The following IGSF10 variants were observed in gnomAD, a reference collection of about 807,000 sequenced individuals.
The protein encoded by IGSF10 is immunoglobulin superfamily member 10.
IGSF10 carries 126 observed loss-of-function variants against 128.2 expected under a neutral mutation model. The observed-to-expected ratio is 0.98, with a 90% CI of 0.85 to 1.14. The LOEUF is 1.14. IGSF10 is among the 50% of genes most tolerant of loss of function. The probability of loss-of-function intolerance (pLI) is 0.00; values close to 1 mark genes in which losing one functional copy is unlikely to be tolerated. For synonymous variants in IGSF10, 1,185 were observed against 1,146.2 expected, an observed-to-expected ratio of 1.03 and a Z score of -0.68; for missense variants, 3,295 against 3,149.8, an observed-to-expected ratio of 1.05 and a Z score of -1.10.
the IGSF10 span, among the ~76,000 whole-genome samples, chr3:151,599,254 C>G: frequency 6.6e-6 from 1 of 151,234 alleles, no homozygotes; most frequent in East Asian, 2.0e-4. Flanking sequence ...GCCTGTGCGT[C>G]TGGGGTGGGC....
In IGSF10 at chr3:151,436,681, A is replaced by G; in HGVS notation, c.*8T>C. On this transcript the variant is annotated 3_prime_UTR_variant, in exon 8 of 8. Transcript: ENST00000282466. ...CTGCCCAGATGTTGTTGACTTTATTATTTCATGTCAGATTACTTGAATATA... is the reference window on the plus strand; with the variant it reads ...CTGCCCAGATGTTGTTGACTTTATTGTTTCATGTCAGATTACTTGAATATA... The G allele has an allele frequency of 6.4e-7, 1 of 1,559,676 alleles. No homozygotes were observed.
the IGSF10 span, among the ~76,000 whole-genome samples, chr3:151,544,961 G>A: frequency 6.6e-6 from 1 of 151,364 alleles, no homozygotes; most frequent in Non-Finnish European, 1.5e-5. Context: ...TCTGTCTCTT[G>A]GTTTCTGAGA....
At position 151,438,442 on chromosome 3, in the gene IGSF10, AT is replaced by A; in HGVS notation, c.6118del (p.Ile2040LeufsTer19). The A allele has an allele frequency of 6.2e-7, 1 of 1,614,140 alleles. No homozygotes were observed. The highest frequency in any genetic ancestry group is 2.2e-5 in the East Asian group (1 of 44,856). ...CTTTCTAAAATACTGCTTGTGGTCA[AT>A]TTTGGCAGGTTTCAGTCTTAGGCTA... ...HVSLRLKPAK[I>X]DHKQYFRKQV... On this transcript the variant is annotated frameshift_variant, in exon 8 of 8. Transcript: ENST00000282466. LOFTEE classifies it low-confidence loss of function (END_TRUNC).
chr3:151,543,407 C>T, the IGSF10 span, among the ~76,000 whole-genome samples: 2 of 152,238 alleles, frequency 1.3e-5, no homozygotes, highest in African/African-American at 2.4e-5. Flanking sequence ...CTACTACCCC[C>T]ACACCTGCAG....
chr3:151,488,862 A>G, the IGSF10 span, among the ~76,000 whole-genome samples: 2 of 152,220 alleles, frequency 1.3e-5, no homozygotes, highest in East Asian at 3.8e-4. Flanking sequence ...ACCTAAAACC[A>G]TAAAATCCCT....
At chr3:151,492,778 A>AATCT in the IGSF10 span, among the ~76,000 whole-genome samples, 54,269 of 151,704 alleles carry the variant, frequency 0.36, 9,911 homozygotes, top group Middle Eastern at 0.45. Flanking sequence ...ATGACACAGC[A>AATCT]ATCTTTGTAT....
the IGSF10 span, among the ~76,000 whole-genome samples, chr3:151,466,504 G>A: frequency 6.6e-6 from 1 of 152,124 alleles, no homozygotes; most frequent in African/African-American, 2.4e-5. Flanking sequence ...AGGAGTCTGG[G>A]ACTCCACCTT....
the IGSF10 span, among the ~76,000 whole-genome samples, chr3:151,496,261 C>G: frequency 6.6e-6 from 1 of 151,154 alleles, no homozygotes; most frequent in South Asian, 2.1e-4. Flanking sequence ...GGTTTGTTAC[C>G]TATGTATACA....
chr3:151,462,588 T>C (rs184039933), upstream of IGSF10, among the ~76,000 whole-genome samples: 1 of 152,350 alleles, frequency 6.6e-6, no homozygotes, highest in East Asian at 1.9e-4. Context: ...ATGTGGCTTG[T>C]GAGTAGAAAA....
rs746257775 is a variant in IGSF10 at position 151,448,911 on chromosome 3, G to A, written c.1070C>T (p.Ser357Leu). The change falls in exon 6 of 8, where the codon TCA becomes TTA. Residue 357 changes from serine (S) to leucine (L), a missense_variant. By Grantham distance (145) the Ser-to-Leu change is moderately radical. Coordinates refer to ENST00000282466, the MANE Select transcript of IGSF10 (RefSeq NM_178822.5). ...GTTGCACACCAAAAATGTTGAAAAT[G>A]AAGTATTTAGCACGATGTAGTCATT... is the stretch of plus-strand genomic sequence containing the variant. ...EENDYIVLNT[S>L]FSTFLVCNID... 3.1e-6 allele frequency: 5 copies of A among 1,614,098 alleles called. No individual in the cohort carries two copies. The Admixed American group carries it at 5.0e-5, about 16-fold the overall frequency.
the IGSF10 span, among the ~76,000 whole-genome samples, chr3:151,573,412 C>T: frequency 6.6e-6 from 1 of 152,216 alleles, no homozygotes; most frequent in Non-Finnish European, 1.5e-5. Context: ...CTGGATTCTC[C>T]TGCATTGGGT....
chr3:151,463,531 T>TTTTTTG (rs1722148808), upstream of IGSF10, among the ~76,000 whole-genome samples: 6 of 61,734 alleles, frequency 9.7e-5, no homozygotes, highest in African/African-American at 2.3e-4. Flanking sequence ...TGGTTTTTTT[T>TTTTTTG]TTTTTTTTTT....
chr3:151,459,331 TATA>T (rs1721946397), intron 2 of IGSF10, among the ~76,000 whole-genome samples: 1 of 152,240 alleles, frequency 6.6e-6, no homozygotes, highest in Admixed American at 6.5e-5. Flanking sequence ...TCATTTCATA[TATA>T]ATGTTTTTTC....
the IGSF10 span, among the ~76,000 whole-genome samples, chr3:151,523,218 T>C: frequency 6.6e-6 from 1 of 152,140 alleles, no homozygotes; most frequent in South Asian, 2.1e-4. Flanking sequence ...GAAGCACCAA[T>C]ATCATTAAAA....
the IGSF10 span, among the ~76,000 whole-genome samples, chr3:151,557,997 G>GTATATAATATA: frequency 5.5e-4 from 3 of 5,486 alleles, no homozygotes; most frequent in African/African-American, 1.5e-3. Context: ...CAAATATAAA[G>GTATATAATATA]TATATATAAT....
chr3:151,504,982 C>T, the IGSF10 span, among the ~76,000 whole-genome samples: 806 of 152,302 alleles, frequency 5.3e-3, 7 homozygotes, highest in African/African-American at 0.018. Context: ...AAGTTCCAAA[C>T]TTTCCCACAT....
the IGSF10 span, among the ~76,000 whole-genome samples, chr3:151,534,520 T>C: frequency 6.6e-6 from 1 of 152,076 alleles, no homozygotes. Flanking sequence ...TGGATGAAGC[T>C]GGAAACCATC....
the IGSF10 span, among the ~76,000 whole-genome samples, chr3:151,529,175 A>G: frequency 6.6e-6 from 1 of 152,158 alleles, no homozygotes; most frequent in Non-Finnish European, 1.5e-5. Context: ...TGGGCAGGGC[A>G]TCTCTGAAAA....
intron 2 of IGSF10, 44 bp downstream of exon 2, chr3:151,460,217 C>A (rs901450728): frequency 3.6e-6 from 2 of 562,616 alleles, no homozygotes; most frequent in Non-Finnish European, 4.5e-6. Flanking sequence ...TTCTCACAAA[C>A]GTAAGGCTGA....
Sources: allele counts gnomAD v4.1 joint callset (sites outside exome capture counted in the v4.1 genomes callset), GRCh38; gene constraint gnomAD v4.1.1; transcripts MANE v1.5; gene names NCBI Gene and HGNC (gene_info 2026-07-23, HGNC 2026-07-21).